The following EHBP1 variants were observed in gnomAD, a reference collection of about 807,000 sequenced individuals.
EHBP1 encodes the protein EH domain-binding protein 1.
Under a neutral mutation model 144.0 loss-of-function variants are expected in EHBP1, and 55 were observed. That is an observed-to-expected ratio of 0.38 (90% CI 0.31 to 0.48). EHBP1 has a LOEUF of 0.48. Ranked by LOEUF, EHBP1 falls within the 20% of genes least tolerant of loss-of-function variation. EHBP1 has a pLI of 0.98. For missense variants in EHBP1, 1,200 were observed against 1,364.2 expected (o/e 0.88, Z 1.90); for synonymous variants, 469 against 472.7 (o/e 0.99, Z 0.10).
chr2:62,708,334 GA>G (rs2034797370), intron 2 of EHBP1, among the ~76,000 whole-genome samples: 1 of 152,168 alleles, frequency 6.6e-6, no homozygotes, highest in African/African-American at 2.4e-5. Flanking sequence ...AGGTACTGTG[GA>G]TTTAGAGTAG....
chr2:62,802,921 C>T (rs1033777721), intron 5 of EHBP1, among the ~76,000 whole-genome samples: 2 of 152,054 alleles, frequency 1.3e-5, no homozygotes, highest in Admixed American at 6.5e-5. Context: ...GACGGGGTTT[C>T]GCCATGTTGG....
At chr2:62,979,632 T>G (rs2058871742) in intron 15 of EHBP1, among the ~76,000 whole-genome samples, 1 of 152,200 alleles carries the variant, frequency 6.6e-6, no homozygotes, top group African/African-American at 2.4e-5. Context: ...TTAATAGTAT[T>G]AGGAGTATGT....
chr2:62,809,261 A>AGCCTGG (rs1471722614), intron 5 of EHBP1, among the ~76,000 whole-genome samples: 1 of 146,534 alleles, frequency 6.8e-6, no homozygotes, highest in Non-Finnish European at 1.5e-5. Flanking sequence ...ATTGCACTCC[A>AGCCTGG]GCCTGGGCAA....
intron 5 of EHBP1, among the ~76,000 whole-genome samples, chr2:62,805,472 T>C (rs1219151903): frequency 6.6e-6 from 1 of 150,546 alleles, no homozygotes; most frequent in Non-Finnish European, 1.5e-5. Flanking sequence ...TATTTTCTTT[T>C]TTTTTTTTTT....
intron 10 of EHBP1, among the ~76,000 whole-genome samples, chr2:62,878,012 T>A (rs1298304160): frequency 6.6e-6 from 1 of 152,108 alleles, no homozygotes; most frequent in Non-Finnish European, 1.5e-5. Flanking sequence ...AATCGAGGCT[T>A]GAAAAACAGT....
chr2:62,889,252 T>G lies in EHBP1; in HGVS notation c.1185+14720T>G, dbSNP rs541663832. Among the ~76,000 whole-genome samples, 314 of 151,238 alleles carry G rather than the reference T, an allele frequency of 2.1e-3. 1 individual carries two copies. The highest frequency in any genetic ancestry group is 0.01 in the Middle Eastern group (3 of 294). ...TTTGGTGTTTTTGTGTGTGTGTGTT[T>G]TTTTTTTGTAAATTTGTTTAAATTC... is the stretch of plus-strand genomic sequence containing the variant. On this transcript the variant is annotated intron_variant, in intron 10 of 22. Coordinates refer to ENST00000431489, the MANE Select transcript of EHBP1 (RefSeq NM_001142616.3).
At chr2:62,737,790 G>A (rs983190385) in intron 2 of EHBP1, among the ~76,000 whole-genome samples, 1 of 152,026 alleles carries the variant, frequency 6.6e-6, no homozygotes, top group African/African-American at 2.4e-5. Flanking sequence ...TAGAGGCAGG[G>A]TCTTGCTTTG....
chr2:62,731,728 A>G (rs924719293), intron 2 of EHBP1, among the ~76,000 whole-genome samples: 7 of 152,122 alleles, frequency 4.6e-5, no homozygotes, highest in Non-Finnish European at 7.4e-5. Flanking sequence ...TTTTACAGTA[A>G]TTGGTTTTTA....
intron 2 of EHBP1, among the ~76,000 whole-genome samples, chr2:62,735,209 A>T (rs2038005917): frequency 6.6e-6 from 1 of 151,942 alleles, no homozygotes; most frequent in Non-Finnish European, 1.5e-5. Context: ...TTGTGGTTTT[A>T]ATTGAGCATT....
At chr2:62,825,342 T>A (rs1015613402) in intron 5 of EHBP1, among the ~76,000 whole-genome samples, 1 of 152,096 alleles carries the variant, frequency 6.6e-6, no homozygotes, top group African/African-American at 2.4e-5. Flanking sequence ...ATAACTTTAG[T>A]AATGGAATGT....
At chr2:62,917,792 C>CATTT (rs1281413071) in intron 10 of EHBP1, among the ~76,000 whole-genome samples, 6 of 152,112 alleles carry the variant, frequency 3.9e-5, no homozygotes, top group African/African-American at 1.4e-4. Flanking sequence ...CTTGGACCAG[C>CATTT]AAAATGTATA....
chr2:62,891,402 G>A (rs2052451358), intron 10 of EHBP1, among the ~76,000 whole-genome samples: 1 of 152,046 alleles, frequency 6.6e-6, no homozygotes, highest in Non-Finnish European at 1.5e-5. Context: ...GTCCCAACTT[G>A]AAAGGCTTGA....
intron 3 of EHBP1, among the ~76,000 whole-genome samples, chr2:62,750,876 A>T (rs903295112): frequency 5.9e-5 from 9 of 152,274 alleles, no homozygotes; most frequent in African/African-American, 1.9e-4. Context: ...GCTTAAGGAG[A>T]TTTTGGGCTG....
intron 1 of EHBP1, among the ~76,000 whole-genome samples, chr2:62,689,459 A>G (rs2033831770): frequency 6.6e-6 from 1 of 152,206 alleles, no homozygotes; most frequent in Non-Finnish European, 1.5e-5. Flanking sequence ...CCTGGGCAAC[A>G]CAGTGAAACC....
intron 7 of EHBP1, among the ~76,000 whole-genome samples, chr2:62,848,337 C>T (rs2048443560): frequency 6.6e-6 from 1 of 152,096 alleles, no homozygotes; most frequent in Admixed American, 6.6e-5. Context: ...CCCACCTTGG[C>T]CTCCCAAAGT....
intron 10 of EHBP1, among the ~76,000 whole-genome samples, chr2:62,924,682 T>A (rs2055354539): frequency 6.6e-6 from 1 of 152,056 alleles, no homozygotes; most frequent in African/African-American, 2.4e-5. Context: ...AATAGACCAA[T>A]AAGTAAAAAG....
At chr2:62,755,671 T>C (rs1168001154) in intron 3 of EHBP1, among the ~76,000 whole-genome samples, 3 of 152,102 alleles carry the variant, frequency 2.0e-5, no homozygotes, top group Non-Finnish European at 4.4e-5. Context: ...GCATTATAAT[T>C]TGAATGCCTT....
At chr2:62,791,485 A>G (rs2043164561) in intron 5 of EHBP1, among the ~76,000 whole-genome samples, 5 of 152,154 alleles carry the variant, frequency 3.3e-5, no homozygotes, top group East Asian at 1.9e-4. Context: ...CCACTTAATC[A>G]TACACTTTGC....
intron 1 of EHBP1, among the ~76,000 whole-genome samples, chr2:62,679,214 A>G (rs1032326361): frequency 7.9e-5 from 12 of 152,236 alleles, no homozygotes; most frequent in Admixed American, 2.6e-4. Context: ...AAAATTGACT[A>G]AACTTTAACA....
Sources: allele counts gnomAD v4.1 joint callset (sites outside exome capture counted in the v4.1 genomes callset), GRCh38; gene constraint gnomAD v4.1.1; transcripts MANE v1.5; gene names NCBI Gene and HGNC (gene_info 2026-07-23, HGNC 2026-07-21).